The following RHBDF1 variants were observed in gnomAD, a reference collection of about 807,000 sequenced individuals.
RHBDF1 encodes rhomboid 5 homolog 1.
Under a neutral mutation model 98.6 loss-of-function variants are expected in RHBDF1, and 80 were observed. The observed-to-expected ratio is 0.81, with a 90% CI of 0.68 to 0.98. RHBDF1 has a LOEUF of 0.98. Ranked by LOEUF, RHBDF1 falls within the 50% of genes least tolerant of loss-of-function variation. The probability of loss-of-function intolerance (pLI) is 0.00; values close to 1 mark genes in which losing one functional copy is unlikely to be tolerated. For synonymous variants in RHBDF1, 512 were observed against 486.8 expected (o/e 1.05, Z -0.68); for missense variants, 1,116 against 1,198.3 (o/e 0.93, Z 1.01).
rs1202679024 is a variant in RHBDF1 at position 62,908 on chromosome 16, G to A, written c.673-11C>T. 6.2e-7 allele frequency: 1 copy of A among 1,613,542 alleles called. No homozygotes were observed. The highest frequency in any genetic ancestry group is 1.3e-5 in the African/African-American group (1 of 75,068). ...CCTAACGGAGCGGCCCTGGGGACGG[G>A]GAAGTGAGCATGAGACCCGGCTGCT... is the stretch of plus-strand genomic sequence containing the variant. On this transcript the variant is annotated splice_polypyrimidine_tract_variant and intron_variant, in intron 5 of 17. Coordinates refer to ENST00000262316, the MANE Select transcript of RHBDF1 (RefSeq NM_022450.5).
chr16:71,165 G>A (rs1897958094), intron 1 of RHBDF1, among the ~76,000 whole-genome samples: 1 of 152,158 alleles, frequency 6.6e-6, no homozygotes, highest in Admixed American at 6.5e-5. Flanking sequence ...CCCCAAGGTG[G>A]GGACCGGCCA....
chr16:64,982 G>A lies in RHBDF1; in HGVS notation c.34C>T (p.Leu12=), dbSNP rs1897789648. The A allele has an allele frequency of 1.3e-6, 2 of 1,551,506 alleles. No homozygotes were observed. The highest frequency in any genetic ancestry group is 1.7e-6 in the Non-Finnish European group (2 of 1,146,090). Residue 12 remains leucine, a synonymous_variant, in exon 2 of 18, where the codon CTG becomes TTG. Transcript: ENST00000262316. The part of the protein sequence containing the change: ...SEARRDSTSS[L]QRKKPPWLKL... ...AGCCAGGGTGGCTTCTTGCGCTGCA[G>A]GCTGCTCGTGCTGTCCCTGCGGGCC...
chr16:66,092 G>A (rs1897822614), intron 1 of RHBDF1, among the ~76,000 whole-genome samples: 1 of 152,224 alleles, frequency 6.6e-6, no homozygotes, highest in African/African-American at 2.4e-5. Flanking sequence ...GGACCACACG[G>A]CGATTCCAGT....
upstream of RHBDF1, among the ~76,000 whole-genome samples, chr16:73,380 G>C (rs1174508538): frequency 6.6e-6 from 1 of 152,144 alleles, no homozygotes; most frequent in Non-Finnish European, 1.5e-5. Context: ...CCACTCAGCA[G>C]AGGCAGCGCA....
intron 3 of RHBDF1, 171 bp from the exon 4 acceptor site, chr16:63,971 CT>C: frequency 5.3e-6 from 4 of 761,186 alleles, no homozygotes; most frequent in Middle Eastern, 2.3e-4. Flanking sequence ...CAGCCACCCC[CT>C]GAACTGTTAG....
rs760473696 is a variant in RHBDF1 at position 59,725 on chromosome 16, C to T, written c.1817+7G>A. 2 of 1,613,892 alleles carry T rather than the reference C, an allele frequency of 1.2e-6. No homozygotes were observed. Among genetic ancestry groups the T allele is most frequent in the Non-Finnish European group, 1.7e-6 (2 of 1,179,912 alleles). On this transcript the variant is annotated splice_region_variant and intron_variant, in intron 14 of 17. Coordinates refer to ENST00000262316, the MANE Select transcript of RHBDF1 (RefSeq NM_022450.5). ...GACCAGCTGCACTCGCTGGCACGCA[C>T]ACGTACCTGCCCTTGGTGCCAATGC...
At chr16:69,297 A>G (rs932411541) in intron 1 of RHBDF1, among the ~76,000 whole-genome samples, 14 of 152,132 alleles carry the variant, frequency 9.2e-5, no homozygotes, top group African/African-American at 3.4e-4. Flanking sequence ...CCTGCCCTGC[A>G]CACTCACAGG....
At chr16:75,597 A>AG (rs1372978627), upstream of RHBDF1, among the ~76,000 whole-genome samples, 3 of 152,138 alleles carry the variant, frequency 2.0e-5, no homozygotes, top group Admixed American at 2.0e-4. Context: ...CCCATATCCC[A>AG]GGGTTTGGCA....
At chr16:73,532 A>C (rs1013312803), upstream of RHBDF1, among the ~76,000 whole-genome samples, 6 of 152,236 alleles carry the variant, frequency 3.9e-5, no homozygotes, top group Admixed American at 3.3e-4. Flanking sequence ...AGAGTTTCCC[A>C]GCATTTCTCT....
At chr16:65,074 A>C (rs6600227) in intron 1 of RHBDF1, 35 bp from the exon 2 acceptor site, 533,566 of 1,475,630 alleles carry the variant, frequency 0.36, 101,022 homozygotes, top group East Asian at 0.61. Context: ...ATAATGACAA[A>C]GCTGACATCT....
chr16:69,044 A>G (rs1897904135), intron 1 of RHBDF1, among the ~76,000 whole-genome samples: 1 of 152,150 alleles, frequency 6.6e-6, no homozygotes, highest in Non-Finnish European at 1.5e-5. Flanking sequence ...ACTCCATCAC[A>G]GGGTGGTGTA....
At chr16:63,330 C>G (rs536509095) in intron 4 of RHBDF1, 148 bp from the exon 5 acceptor site, 3 of 729,934 alleles carry the variant, frequency 4.1e-6, no homozygotes, top group East Asian at 5.4e-5. Context: ...TCCCACCCCA[C>G]AGCACCTAGA....
chr16:60,221 A>G lies in RHBDF1; in HGVS notation c.1717T>C (p.Trp573Arg). ...ACCCCCCCACTGCAGCTCACCGGCC[A>G]CTTGGTGATGTCTTCTGGCCACTCA... ...PHEWPEDITK[W>R]PICTKNSAGN... Residue 573 changes from tryptophan to arginine, a missense_variant, in exon 13 of 18, where the codon TGG (tryptophan) becomes CGG (arginine). Physicochemically the swap from Trp to Arg is moderately radical, Grantham distance 101. Coordinates refer to ENST00000262316, the MANE Select transcript of RHBDF1 (RefSeq NM_022450.5). 1 of 1,614,016 alleles carries G rather than the reference A, an allele frequency of 6.2e-7. No homozygotes were observed. The highest frequency in any genetic ancestry group is 8.5e-7 in the Non-Finnish European group (1 of 1,179,990).
intron 17 of RHBDF1, 81 bp downstream of exon 17, chr16:58,893 G>A: frequency 3.2e-6 from 5 of 1,572,348 alleles, no homozygotes; most frequent in Non-Finnish European, 4.3e-6. Flanking sequence ...GATGCTCCCA[G>A]ACTCAGTGCT....
rs965096037 is a variant in RHBDF1 at position 64,113 on chromosome 16, A to G, written c.249-313T>C. The G allele has an allele frequency of 2.0e-5, 13 of 642,146 alleles. No homozygotes were observed. The African/African-American group carries it at 2.4e-4, about 12-fold the overall frequency. The allele number at this position is 642,146 out of a possible 1,614,324, so 39.8% of individuals were successfully genotyped here. A position where few individuals can be genotyped will look rare whatever the true frequency, so the allele number is the denominator to read the frequency against. On this transcript the variant is annotated intron_variant, in intron 3 of 17. Transcript: ENST00000262316. Reference sequence around the variant, plus strand: ...GTCCAGAGAAGGAGCTGAGAGCTCAACCCGAGAGAGCTTGGCCCCAGGACA... The same window carrying G: ...GTCCAGAGAAGGAGCTGAGAGCTCAGCCCGAGAGAGCTTGGCCCCAGGACA...
In RHBDF1 at chr16:62,954, C is replaced by G; in HGVS notation, c.672+19G>C. 1.2e-6 allele frequency: 2 copies of G among 1,612,438 alleles called. No individual in the cohort carries two copies. The highest frequency in any genetic ancestry group is 1.7e-6 in the Non-Finnish European group (2 of 1,179,458). On this transcript the variant is annotated intron_variant, in intron 5 of 17. Transcript: ENST00000262316. ...CTGCTGGGTCGGCCCCCAACCCCGCCTTTGGCCCCTGCACCCACTTTCATC... is the reference window on the plus strand; with the variant it reads ...CTGCTGGGTCGGCCCCCAACCCCGCGTTTGGCCCCTGCACCCACTTTCATC...
chr16:70,463 C>A (rs575354414), intron 1 of RHBDF1, among the ~76,000 whole-genome samples: 1 of 152,196 alleles, frequency 6.6e-6, no homozygotes. Flanking sequence ...AGCAACCCTG[C>A]AACCCCCTCC....
intron 1 of RHBDF1, among the ~76,000 whole-genome samples, chr16:66,253 G>A (rs916322444): frequency 6.6e-6 from 1 of 152,110 alleles, no homozygotes; most frequent in Non-Finnish European, 1.5e-5. Context: ...CCGCTGGGTC[G>A]GCAACCCACC....
At chr16:69,715 T>C (rs1346248880) in intron 1 of RHBDF1, among the ~76,000 whole-genome samples, 1 of 152,148 alleles carries the variant, frequency 6.6e-6, no homozygotes, top group African/African-American at 2.4e-5. Context: ...GCTAGGCCCT[T>C]TGCAAACCCC....
Sources: gnomAD v4.1 joint callset for allele counts (sites outside exome capture counted in the v4.1 genomes callset) on GRCh38, gnomAD v4.1.1 for gene constraint, MANE v1.5 for transcripts, NCBI Gene and HGNC (gene_info 2026-07-23, HGNC 2026-07-21) for gene names.